ATF2: variants seen among roughly 807,000 people sequenced by gnomAD.
The protein encoded by ATF2 is cyclic AMP-dependent transcription factor ATF-2.
Under a neutral mutation model 60.6 loss-of-function variants are expected in ATF2, and 24 were observed. The ratio of observed to expected loss-of-function variants is 0.40; its 90% CI spans 0.29 to 0.56. ATF2 has a LOEUF of 0.56. Among genes scored for constraint, ATF2 ranks in the 20% least tolerant of loss-of-function variants. ATF2 has a pLI of 0.54. For synonymous variants in ATF2, 206 were observed against 215.4 expected, an observed-to-expected ratio of 0.96 and a Z score of 0.38; for missense variants, 433 against 607.7, an observed-to-expected ratio of 0.71 and a Z score of 3.02.
chr2:175,110,216 TC>T (rs767248519), intron 10 of ATF2, among the ~76,000 whole-genome samples: 1 of 152,140 alleles, frequency 6.6e-6, no homozygotes, highest in East Asian at 1.9e-4. Flanking sequence ...ACACCTGTAA[TC>T]CCAGCTACTC....
intron 1 of ATF2, among the ~76,000 whole-genome samples, chr2:175,165,375 G>A (rs1259948968): frequency 2.0e-5 from 3 of 152,136 alleles, no homozygotes. Context: ...TTGGAAGGAA[G>A]AGCCTTTAGA....
At chr2:175,120,902 T>C (rs1045703719) in intron 5 of ATF2, among the ~76,000 whole-genome samples, 1 of 151,732 alleles carries the variant, frequency 6.6e-6, no homozygotes, top group African/African-American at 2.4e-5. Flanking sequence ...ATCATCTGCT[T>C]AGGTGATACT....
intron 3 of ATF2, 80 bp downstream of exon 3, chr2:175,136,332 C>G: frequency 7.5e-7 from 1 of 1,326,164 alleles, no homozygotes; most frequent in South Asian, 1.2e-5. Context: ...CAAATACTTA[C>G]CTAATAGAAA....
intron 1 of ATF2, among the ~76,000 whole-genome samples, chr2:175,163,726 C>G (rs1164764587): frequency 6.6e-6 from 1 of 150,858 alleles, no homozygotes; most frequent in African/African-American, 2.4e-5. Flanking sequence ...GGTTCGAGAC[C>G]AGCCTGGCCA....
chr2:175,077,919 C>G (rs761708494), intron 13 of ATF2, among the ~76,000 whole-genome samples: 29 of 152,134 alleles, frequency 1.9e-4, no homozygotes, highest in Middle Eastern at 3.2e-3. Flanking sequence ...CTAAAAGAAA[C>G]CAGCTGTTTG....
At chr2:175,089,816 C>G (rs1574335447) in intron 12 of ATF2, among the ~76,000 whole-genome samples, 1 of 152,260 alleles carries the variant, frequency 6.6e-6, no homozygotes, top group East Asian at 1.9e-4. Flanking sequence ...ACCATCCATG[C>G]TCTCAATTCC....
At chr2:175,108,509 T>TG (rs1372392254) in intron 10 of ATF2, among the ~76,000 whole-genome samples, 19 of 134,688 alleles carry the variant, frequency 1.4e-4, no homozygotes, top group African/African-American at 2.3e-4. Flanking sequence ...GGGAGGGAGG[T>TG]GGGGGGTCAG....
intron 9 of ATF2, among the ~76,000 whole-genome samples, chr2:175,112,366 CAAAT>C (rs1208701977): frequency 6.9e-6 from 1 of 144,842 alleles, no homozygotes; most frequent in African/African-American, 2.7e-5. Context: ...CAAAGTCTCT[CAAAT>C]AATGCATTTT....
At chr2:175,101,520 G>T (rs1025427912) in intron 10 of ATF2, among the ~76,000 whole-genome samples, 1 of 152,132 alleles carries the variant, frequency 6.6e-6, no homozygotes, top group African/African-American at 2.4e-5. Context: ...GTTTGGAAAA[G>T]ATTTTTAAGT....
intron 2 of ATF2, among the ~76,000 whole-genome samples, chr2:175,140,445 C>T (rs960537759): frequency 3.3e-5 from 5 of 151,892 alleles, no homozygotes; most frequent in African/African-American, 9.7e-5. Flanking sequence ...AAAACCACAG[C>T]GACAGAAAGC....
chr2:175,139,324 A>G (rs746731202), intron 2 of ATF2, among the ~76,000 whole-genome samples: 1 of 152,188 alleles, frequency 6.6e-6, no homozygotes, highest in Admixed American at 6.5e-5. Context: ...CTTCACATGG[A>G]AATAATAACT....
In ATF2 at chr2:175,156,786, G is replaced by A. The variant is rs192332582; in HGVS notation, c.-142-5628C>T. On this transcript the variant is annotated intron_variant, in intron 1 of 13. Coordinates refer to ENST00000264110, the MANE Select transcript of ATF2 (RefSeq NM_001880.4). ...TTGTAAGTCCCTAAGCTGAGGACTC[G>A]GCTGGGCCCGCCTGGACTTCTGGCC... Among the ~76,000 whole-genome samples, 383 of 152,260 alleles carry A rather than the reference G, an allele frequency of 2.5e-3. 4 individuals are homozygous for A. The Middle Eastern group carries it at 0.031, about 12-fold the overall frequency.
In ATF2 at chr2:175,074,181, C is replaced by G. The variant is rs908068694; in HGVS notation, c.*428G>C. On this transcript the variant is annotated 3_prime_UTR_variant, in exon 14 of 14. Coordinates refer to ENST00000264110, the MANE Select transcript of ATF2 (RefSeq NM_001880.4). Reference sequence around the variant, plus strand: ...GACTCCGTTAACATTACAAAGTCAACAGGGACTATGCAAAACTTTGGTATA... The same window carrying G: ...GACTCCGTTAACATTACAAAGTCAAGAGGGACTATGCAAAACTTTGGTATA... 1 of 154,868 alleles carries G rather than the reference C, an allele frequency of 6.5e-6. No individual in the cohort carries two copies. Among genetic ancestry groups the G allele is most frequent in the African/African-American group, 2.4e-5 (1 of 41,432 alleles). 9.6% of individuals were successfully genotyped at this position (154,868 alleles called of 1,614,324 possible). A position where few individuals can be genotyped will look rare whatever the true frequency, so the allele number is the denominator to read the frequency against.
chr2:175,114,805 C>A lies in ATF2; in HGVS notation c.511G>T (p.Val171Phe). 6.2e-7 allele frequency: 1 copy of A among 1,613,932 alleles called. No homozygotes were observed. Among genetic ancestry groups the A allele is most frequent in the South Asian group, 1.1e-5 (1 of 91,072 alleles). Residue 171 changes from valine to phenylalanine, a missense_variant, in exon 8 of 14, where the codon GTT becomes TTT. Val to Phe is a conservative substitution (Grantham distance 50). Coordinates refer to ENST00000264110, the MANE Select transcript of ATF2 (RefSeq NM_001880.4). ...SAIVRPASLQ[V>F]PNVLLTSSDS... ...GAACTTGTAAGCAGCACATTGGGAA[C>A]CTGTAATGATGCTGGACGAACAATA... is the stretch of plus-strand genomic sequence containing the variant.
intron 2 of ATF2, among the ~76,000 whole-genome samples, chr2:175,138,825 A>G (rs751852647): frequency 9.9e-5 from 15 of 152,174 alleles, no homozygotes; most frequent in Non-Finnish European, 1.0e-4. Flanking sequence ...AATGTCATCT[A>G]TTATATAATC....
At chr2:175,108,819 C>A (rs1244021562) in intron 10 of ATF2, among the ~76,000 whole-genome samples, 2 of 152,146 alleles carry the variant, frequency 1.3e-5, no homozygotes, top group Non-Finnish European at 2.9e-5. Flanking sequence ...TCACTTAGTT[C>A]TGTACTAAGA....
At position 175,073,141 on chromosome 2, in the gene ATF2, T is replaced by C. The variant is rs1342208543; in HGVS notation, c.*1468A>G. The C allele has an allele frequency of 6.6e-6, 1 of 152,184 alleles. No homozygotes were observed. The highest frequency in any genetic ancestry group is 1.9e-4 in the East Asian group (1 of 5,198). 9.4% of individuals were successfully genotyped at this position (152,184 alleles called of 1,614,324 possible). Reference sequence around the variant, plus strand: ...GACTCATAACTATTTTACAAAGTTTTCTTACGCACATCTACTACTTTTAAA... The same window carrying C: ...GACTCATAACTATTTTACAAAGTTTCCTTACGCACATCTACTACTTTTAAA... On this transcript the variant is annotated 3_prime_UTR_variant, in exon 14 of 14. Transcript: ENST00000264110.
chr2:175,136,396 A>T lies in ATF2; in HGVS notation c.32+16T>A. ...ATGTAAAAAATGGCTAAAAATACCA[A>T]ATATTGCACACATACCTGGCAGAAT... On this transcript the variant is annotated intron_variant, in intron 3 of 13. Coordinates refer to ENST00000264110, the MANE Select transcript of ATF2 (RefSeq NM_001880.4). 1 of 1,607,454 alleles carries T rather than the reference A, an allele frequency of 6.2e-7. No individual in the cohort carries two copies.
chr2:175,142,802 AAGAG>A (rs1302395060), intron 2 of ATF2, among the ~76,000 whole-genome samples: 4 of 136,758 alleles, frequency 2.9e-5, no homozygotes, highest in Admixed American at 7.3e-5. Context: ...GAGAAACAGA[AAGAG>A]AGAGCAACAG....
Sources: gnomAD v4.1 joint callset for allele counts (sites outside exome capture counted in the v4.1 genomes callset) on GRCh38, gnomAD v4.1.1 for gene constraint, MANE v1.5 for transcripts, NCBI Gene and HGNC (gene_info 2026-07-23, HGNC 2026-07-21) for gene names.